LRRC37A2: variants seen among roughly 807,000 people sequenced by gnomAD.
LRRC37A2 encodes the protein leucine-rich repeat-containing protein 37A2.
LRRC37A2 carries 9 observed loss-of-function variants against 68.8 expected under a neutral mutation model. The ratio of observed to expected loss-of-function variants is 0.13; its 90% CI spans 0.08 to 0.23. The LOEUF is 0.23. Among genes scored for constraint, LRRC37A2 ranks in the 10% least tolerant of loss-of-function variants. The pLI, the probability that LRRC37A2 is intolerant of heterozygous loss-of-function variation, is 1.00. For missense variants in LRRC37A2, 168 were observed against 950.4 expected (o/e 0.18, Z 10.82); for synonymous variants, 63 against 367.6 (o/e 0.17, Z 9.48).
the LRRC37A2 span, among the ~76,000 whole-genome samples, chr17:46,817,020 C>T: frequency 1.6e-4 from 24 of 152,194 alleles, no homozygotes; most frequent in South Asian, 6.2e-4. Flanking sequence ...CCCAGCCCCC[C>T]GGAAAAGTGT....
chr17:46,882,600 G>A, the LRRC37A2 span, among the ~76,000 whole-genome samples: 3 of 151,918 alleles, frequency 2.0e-5, no homozygotes, highest in Non-Finnish European at 2.9e-5. Flanking sequence ...ATGGGGATGG[G>A]GACATTCTGG....
chr17:46,910,790 G>A, the LRRC37A2 span, among the ~76,000 whole-genome samples: 1 of 152,196 alleles, frequency 6.6e-6, no homozygotes, highest in Non-Finnish European at 1.5e-5. Context: ...ACACAGGTGT[G>A]AAAACACACA....
At chr17:46,851,748 C>A in the LRRC37A2 span, 1 of 1,175,304 alleles carries the variant, frequency 8.5e-7, no homozygotes, top group Non-Finnish European at 1.1e-6. This position sits in a 1 kb window ranked among gnomAD's most constrained non-coding sequence, Gnocchi z 4.3. Flanking sequence ...GCCCGCTCCC[C>A]GGCCTGCCTG....
chr17:47,040,428 T>C, the LRRC37A2 span, among the ~76,000 whole-genome samples: 1 of 151,964 alleles, frequency 6.6e-6, no homozygotes. Flanking sequence ...ATATTTTAAA[T>C]AACATAATGT....
At chr17:46,969,093 C>G in the LRRC37A2 span, among the ~76,000 whole-genome samples, 1 of 152,242 alleles carries the variant, frequency 6.6e-6, no homozygotes, top group Non-Finnish European at 1.5e-5. Context: ...CTCACAGCCA[C>G]CGGCCTCCCA....
the LRRC37A2 span, chr17:46,710,926 A>G: frequency 6.5e-7 from 1 of 1,549,308 alleles, no homozygotes; most frequent in Non-Finnish European, 8.6e-7. Context: ...TTTTAACACT[A>G]AGGCTCAAAA....
At chr17:46,845,053 T>C in the LRRC37A2 span, among the ~76,000 whole-genome samples, 1 of 152,222 alleles carries the variant, frequency 6.6e-6, no homozygotes, top group Non-Finnish European at 1.5e-5. Context: ...TTCACCATGT[T>C]GACCAGTCTG....
chr17:46,812,105 G>C, the LRRC37A2 span, among the ~76,000 whole-genome samples: 5 of 152,164 alleles, frequency 3.3e-5, no homozygotes, highest in African/African-American at 7.2e-5. Flanking sequence ...GAGAAGTCCC[G>C]GGAGATGGGA....
chr17:46,466,713 G>A, the LRRC37A2 span, among the ~76,000 whole-genome samples: 1 of 95,420 alleles, frequency 1.0e-5, no homozygotes, highest in East Asian at 2.5e-4. Flanking sequence ...CTTTGCTATT[G>A]TGAACAGTGC....
At chr17:47,009,085 A>T in the LRRC37A2 span, among the ~76,000 whole-genome samples, 1 of 152,066 alleles carries the variant, frequency 6.6e-6, no homozygotes, top group South Asian at 2.1e-4. Context: ...GTGAACTGAG[A>T]TCACATCACT....
intron 4 of LRRC37A2, among the ~76,000 whole-genome samples, chr17:46,521,386 C>T (rs1341817936): frequency 4.2e-4 from 21 of 49,962 alleles, no homozygotes; most frequent in East Asian, 5.7e-4. Flanking sequence ...AATAAAACTA[C>T]GTTTCCTTTA....
At chr17:46,748,070 A>T in the LRRC37A2 span, among the ~76,000 whole-genome samples, 1 of 152,224 alleles carries the variant, frequency 6.6e-6, no homozygotes, top group Admixed American at 6.5e-5. Flanking sequence ...CAGTGCCTTC[A>T]AAATTGTGAG....
At chr17:46,882,209 A>G in the LRRC37A2 span, among the ~76,000 whole-genome samples, 1 of 152,138 alleles carries the variant, frequency 6.6e-6, no homozygotes, top group Admixed American at 6.5e-5. Context: ...CCCAGGATCC[A>G]CTCAAGAATT....
the LRRC37A2 span, chr17:46,876,546 C>T: frequency 6.2e-7 from 1 of 1,613,668 alleles, no homozygotes; most frequent in African/African-American, 1.3e-5. Context: ...CCTGGCACAG[C>T]AGGTAGGGTG....
the LRRC37A2 span, among the ~76,000 whole-genome samples, chr17:46,816,676 C>T: frequency 4.0e-5 from 6 of 150,242 alleles, no homozygotes; most frequent in African/African-American, 1.5e-4. Context: ...CCCCAAGATA[C>T]CATTTCACAC....
At chr17:46,918,171 C>T in the LRRC37A2 span, among the ~76,000 whole-genome samples, 1 of 152,198 alleles carries the variant, frequency 6.6e-6, no homozygotes, top group African/African-American at 2.4e-5. Flanking sequence ...CCTCCGCCTC[C>T]CGGGTTCAAG....
chr17:47,048,156 C>T, the LRRC37A2 span, among the ~76,000 whole-genome samples: 1 of 148,740 alleles, frequency 6.7e-6, no homozygotes, highest in Non-Finnish European at 1.5e-5. Context: ...ATCAGAGGTG[C>T]TAAGTGCTGT....
chr17:46,962,081 C>G, the LRRC37A2 span, among the ~76,000 whole-genome samples: 1 of 152,238 alleles, frequency 6.6e-6, no homozygotes, highest in Admixed American at 6.5e-5. Context: ...CCTGTAATCT[C>G]AGCATTTTGG....
the LRRC37A2 span, among the ~76,000 whole-genome samples, chr17:46,777,303 G>A: frequency 6.6e-6 from 1 of 152,294 alleles, no homozygotes; most frequent in Non-Finnish European, 1.5e-5. Flanking sequence ...AGCCAGGCCG[G>A]CTGGCTTGGG....
Sources: allele counts gnomAD v4.1 joint callset (sites outside exome capture counted in the v4.1 genomes callset), GRCh38; gene constraint gnomAD v4.1.1; non-coding constraint Gnocchi (gnomAD v3.1); transcripts MANE v1.5; gene names NCBI Gene and HGNC (gene_info 2026-07-23, HGNC 2026-07-21).